SUPT3H: variants seen among roughly 807,000 people sequenced by gnomAD.
SUPT3H encodes the protein transcription initiation protein SPT3 homolog.
Under a neutral mutation model 44.3 loss-of-function variants are expected in SUPT3H, and 44 were observed. The observed-to-expected ratio is 0.99, with a 90% confidence interval of 0.78 to 1.28. The LOEUF (loss-of-function observed/expected upper bound fraction) is 1.28. Among genes scored for constraint, SUPT3H ranks in the 50% most tolerant of loss-of-function variants. The pLI, the probability that SUPT3H is intolerant of heterozygous loss-of-function variation, is 0.00. For synonymous variants in SUPT3H, 124 were observed against 125.6 expected, an observed-to-expected ratio of 0.99 and a Z score of 0.09; for missense variants, 380 against 387.1, an observed-to-expected ratio of 0.98 and a Z score of 0.15.
chr6:45,046,178 T>C (rs532705195), intron 3 of SUPT3H, among the ~76,000 whole-genome samples: 1 of 152,224 alleles, frequency 6.6e-6, no homozygotes, highest in African/African-American at 2.4e-5. Context: ...CCATTTGTTA[T>C]AAATAACCTT....
intron 2 of SUPT3H, among the ~76,000 whole-genome samples, chr6:45,318,009 G>A (rs925606023): frequency 2.6e-5 from 4 of 151,994 alleles, no homozygotes; most frequent in Non-Finnish European, 4.4e-5. Context: ...TTTTTAAAAT[G>A]GGAGGTTTTC....
At chr6:45,167,905 A>G (rs576353630) in intron 2 of SUPT3H, among the ~76,000 whole-genome samples, 1 of 151,738 alleles carries the variant, frequency 6.6e-6, no homozygotes, top group Non-Finnish European at 1.5e-5. Context: ...TCCGCCTCTC[A>G]GGTTCAAGTG....
At chr6:45,239,624 A>C (rs953353944) in intron 2 of SUPT3H, among the ~76,000 whole-genome samples, 3 of 152,236 alleles carry the variant, frequency 2.0e-5, no homozygotes, top group African/African-American at 7.2e-5. Flanking sequence ...TTTGGGCTAC[A>C]TGCCAATCAG....
At chr6:45,067,524 G>T (rs1190801238) in intron 3 of SUPT3H, among the ~76,000 whole-genome samples, 2 of 150,592 alleles carry the variant, frequency 1.3e-5, no homozygotes, top group Non-Finnish European at 3.0e-5. Flanking sequence ...GAGTGAACAG[G>T]CAACCAACAA....
intron 2 of SUPT3H, among the ~76,000 whole-genome samples, chr6:45,135,428 T>G (rs1376250173): frequency 6.6e-6 from 1 of 152,138 alleles, no homozygotes; most frequent in East Asian, 1.9e-4. Context: ...CAATTATAAA[T>G]TAAATTATTT....
intron 2 of SUPT3H, among the ~76,000 whole-genome samples, chr6:45,181,618 A>G (rs1206188796): frequency 6.6e-6 from 1 of 151,234 alleles, no homozygotes; most frequent in Non-Finnish European, 1.5e-5. Context: ...TCGCAAGGAC[A>G]AAAAACCAAA....
intron 2 of SUPT3H, among the ~76,000 whole-genome samples, chr6:45,147,924 G>A (rs1393620966): frequency 6.6e-6 from 1 of 152,028 alleles, no homozygotes; most frequent in African/African-American, 2.4e-5. Flanking sequence ...TTAAATAACT[G>A]TACTATTTTA....
intron 2 of SUPT3H, among the ~76,000 whole-genome samples, chr6:45,135,846 C>T (rs1804193388): frequency 6.6e-6 from 1 of 152,154 alleles, no homozygotes; most frequent in Non-Finnish European, 1.5e-5. Flanking sequence ...ATATAATGGC[C>T]TGAACTCAGA....
chr6:45,161,884 A>G (rs555561938), intron 2 of SUPT3H, among the ~76,000 whole-genome samples: 8 of 152,286 alleles, frequency 5.3e-5, no homozygotes, highest in South Asian at 2.1e-4. Context: ...TCACTCAACA[A>G]AACAGTAAAA....
chr6:44,879,389 G>T (rs1387112475), intron 10 of SUPT3H, among the ~76,000 whole-genome samples: 1 of 152,200 alleles, frequency 6.6e-6, no homozygotes, highest in Non-Finnish European at 1.5e-5. Flanking sequence ...CCTCCTCTCT[G>T]GGCAGGGCAT....
At chr6:44,947,152 T>C (rs564267503) in intron 9 of SUPT3H, among the ~76,000 whole-genome samples, 1 of 152,332 alleles carries the variant, frequency 6.6e-6, no homozygotes, top group African/African-American at 2.4e-5. Flanking sequence ...TGCAGACTTA[T>C]AGACTACAGT....
chr6:45,326,407 A>C (rs1786348730), intron 2 of SUPT3H, among the ~76,000 whole-genome samples: 1 of 151,934 alleles, frequency 6.6e-6, no homozygotes, highest in Non-Finnish European at 1.5e-5. Context: ...TTAGAGATAC[A>C]GATAATATGG....
At chr6:45,007,802 G>A (rs1050199751) in intron 5 of SUPT3H, among the ~76,000 whole-genome samples, 9 of 150,860 alleles carry the variant, frequency 6.0e-5, no homozygotes, top group African/African-American at 2.2e-4. Flanking sequence ...GGGTTTGAGT[G>A]GAGGATTTTA....
intron 5 of SUPT3H, among the ~76,000 whole-genome samples, chr6:45,012,291 G>T (rs1171608652): frequency 2.0e-5 from 3 of 151,582 alleles, no homozygotes; most frequent in Non-Finnish European, 4.4e-5. Context: ...CTCATTATGT[G>T]TATTTTTACA....
At chr6:45,262,177 T>G (rs1173795701) in intron 2 of SUPT3H, among the ~76,000 whole-genome samples, 1 of 152,150 alleles carries the variant, frequency 6.6e-6, no homozygotes, top group African/African-American at 2.4e-5. Flanking sequence ...TCAATGCTAT[T>G]CCTATCAAAC....
chr6:44,862,485 T>C (rs13199289), intron 10 of SUPT3H, among the ~76,000 whole-genome samples: 56,302 of 151,396 alleles, frequency 0.37, 11,731 homozygotes, highest in Non-Finnish European at 0.47. Context: ...GAGACCAGCC[T>C]GGCCAACATG....
intron 9 of SUPT3H, among the ~76,000 whole-genome samples, chr6:44,937,700 T>A (rs373713546): frequency 6.6e-6 from 1 of 152,254 alleles, no homozygotes; most frequent in Middle Eastern, 3.4e-3. Flanking sequence ...TTTCTTTATA[T>A]GCCTGTTGGC....
intron 5 of SUPT3H, among the ~76,000 whole-genome samples, chr6:45,004,991 T>C (rs926267423): frequency 2.6e-5 from 4 of 152,168 alleles, no homozygotes; most frequent in African/African-American, 4.8e-5. Flanking sequence ...AATGCAGTAA[T>C]GAACATCCCA....
chr6:44,839,448 G>C (rs1283681191), intron 10 of SUPT3H, among the ~76,000 whole-genome samples: 1 of 151,886 alleles, frequency 6.6e-6, no homozygotes, highest in East Asian at 1.9e-4. Flanking sequence ...TGGGACTGCA[G>C]GTGTGCACCA....
Sources: allele counts gnomAD v4.1 joint callset (sites outside exome capture counted in the v4.1 genomes callset), GRCh38; gene constraint gnomAD v4.1.1; transcripts MANE v1.5; gene names NCBI Gene and HGNC (gene_info 2026-07-23, HGNC 2026-07-21).